Variants in FRYL observed in about 807,000 individuals in gnomAD.
FRYL encodes protein furry homolog-like.
FRYL carries 150 observed loss-of-function variants against 351.2 expected under a neutral mutation model. The observed-to-expected ratio is 0.43, with a 90% CI of 0.37 to 0.49. FRYL has a LOEUF of 0.49. FRYL is among the 20% of genes least tolerant of loss of function. The probability of loss-of-function intolerance (pLI) is 0.00; values close to 1 mark genes in which losing one functional copy is unlikely to be tolerated. For missense variants in FRYL, 3,036 were observed against 3,619.3 expected, an observed-to-expected ratio of 0.84 and a Z score of 4.13; for synonymous variants, 1,153 against 1,257.1, an observed-to-expected ratio of 0.92 and a Z score of 1.75.
intron 1 of FRYL, among the ~76,000 whole-genome samples, chr4:48,765,745 CAA>C (rs1307878927): frequency 6.6e-6 from 1 of 151,828 alleles, no homozygotes; most frequent in East Asian, 1.9e-4. Flanking sequence ...ACCATATATC[CAA>C]AAAGAGGTTA....
chr4:48,679,539 G>A (rs192988412), intron 3 of FRYL, among the ~76,000 whole-genome samples: 1 of 152,130 alleles, frequency 6.6e-6, no homozygotes, highest in Non-Finnish European at 1.5e-5. Context: ...AGGAAGGGCA[G>A]GGGGAAGGTG....
At position 48,528,316 on chromosome 4, in the gene FRYL, T is replaced by C. The variant is rs1180619989; in HGVS notation, c.6924A>G (p.Lys2308=). The change falls in exon 51 of 64, where the codon AAA becomes AAG. Residue 2308 remains lysine (K), a synonymous_variant. Coordinates refer to ENST00000358350, the MANE Select transcript of FRYL (RefSeq NM_015030.2). ...DISETPIIGN[K]YGDQHSAAGR... ...CAGCCGCACTGTGCTGATCACCATA[T>C]TTGTTTCCAATAATTGGTGTCTACA... The C allele has an allele frequency of 6.2e-7, 1 of 1,609,672 alleles. No homozygotes were observed. Among genetic ancestry groups the C allele is most frequent in the East Asian group, 2.2e-5 (1 of 44,748 alleles).
intron 4 of FRYL, 24 bp from the exon 5 acceptor site, chr4:48,623,203 T>C (rs923551499): frequency 8.9e-7 from 1 of 1,128,826 alleles, no homozygotes; most frequent in Admixed American, 2.5e-5. Context: ...AAACAAACAT[T>C]AAAAATAAAA....
chr4:48,710,797 T>C (rs1367006214), intron 1 of FRYL, 99 bp from the exon 2 acceptor site: 3 of 389,490 alleles, frequency 7.7e-6, no homozygotes, highest in Admixed American at 4.4e-5. Flanking sequence ...ATCAAAAGTC[T>C]GCAAGTTCCT....
chr4:48,715,658 T>G (rs866248615), intron 1 of FRYL, among the ~76,000 whole-genome samples: 1 of 151,998 alleles, frequency 6.6e-6, no homozygotes, highest in African/African-American at 2.4e-5. Flanking sequence ...TCCATGCTCA[T>G]GGGTAGGAAG....
At chr4:48,736,033 C>T (rs1373474649) in intron 1 of FRYL, among the ~76,000 whole-genome samples, 2 of 147,782 alleles carry the variant, frequency 1.4e-5, no homozygotes, top group African/African-American at 2.5e-5. Flanking sequence ...AGACCACAAT[C>T]GAATTAAACT....
At chr4:48,703,209 A>G (rs1766955270) in intron 2 of FRYL, among the ~76,000 whole-genome samples, 2 of 152,238 alleles carry the variant, frequency 1.3e-5, no homozygotes, top group African/African-American at 2.4e-5. Context: ...TCTGAAGCAG[A>G]CTAGATGGGG....
intron 28 of FRYL, 62 bp from the exon 29 acceptor site, chr4:48,565,753 C>A: frequency 6.7e-7 from 1 of 1,484,420 alleles, no homozygotes; most frequent in Non-Finnish European, 9.2e-7. Flanking sequence ...ACTTTTATAC[C>A]AACATGTTAT....
At position 48,754,669 on chromosome 4, in the gene FRYL, T is replaced by TG. The variant is rs1272959265; in HGVS notation, c.-384+25408_-384+25409insC. Among the ~76,000 whole-genome samples the TG allele has an allele frequency of 8.6e-3, 7 of 816 alleles. No homozygotes were observed. In the Admixed American group the frequency reaches 0.1, roughly 12 times the overall value. The allele number at this position is 816 out of a possible 152,430, so 0.5% of individuals were successfully genotyped here. A position where few individuals can be genotyped will look rare whatever the true frequency, so the allele number is the denominator to read the frequency against. ...GTGATTTTCTGGGGTTTTTTTGGGG[T>TG]TTTTTTTTTTTTTTTTAAATGAGAG... On this transcript the variant is annotated intron_variant, in intron 1 of 63. Coordinates refer to ENST00000358350, the MANE Select transcript of FRYL (RefSeq NM_015030.2).
intron 3 of FRYL, chr4:48,681,140 A>G (rs1288567153): frequency 1.7e-6 from 2 of 1,196,638 alleles, no homozygotes; most frequent in East Asian, 6.5e-5. Context: ...AGGTTCTTCT[A>G]CATTACTAGG....
intron 11 of FRYL, among the ~76,000 whole-genome samples, chr4:48,604,212 G>C (rs921841075): frequency 7.2e-5 from 11 of 152,176 alleles, no homozygotes; most frequent in African/African-American, 2.7e-4. Flanking sequence ...CAAACAGAAA[G>C]CACTCAATAA....
intron 53 of FRYL, among the ~76,000 whole-genome samples, chr4:48,526,096 T>C (rs1726155020): frequency 1.3e-5 from 2 of 152,084 alleles, no homozygotes; most frequent in Non-Finnish European, 1.5e-5. Flanking sequence ...GAGTTGTATA[T>C]GTGTATGTAT....
At chr4:48,724,024 A>T (rs890540078) in intron 1 of FRYL, among the ~76,000 whole-genome samples, 3 of 151,542 alleles carry the variant, frequency 2.0e-5, no homozygotes, top group African/African-American at 4.8e-5. Flanking sequence ...GCTACTTGGG[A>T]GGTTGAGACA....
intron 3 of FRYL, chr4:48,680,988 C>T: frequency 3.9e-6 from 5 of 1,277,780 alleles, no homozygotes; most frequent in Non-Finnish European, 5.1e-6. Context: ...TTCCACCTTG[C>T]TCATCCACCG....
At chr4:48,697,556 T>G (rs1766316159) in intron 2 of FRYL, among the ~76,000 whole-genome samples, 1 of 152,212 alleles carries the variant, frequency 6.6e-6, no homozygotes, top group African/African-American at 2.4e-5. Flanking sequence ...CTCAGCTTAC[T>G]GCAACCTCTG....
At chr4:48,708,785 G>A (rs953120563) in intron 2 of FRYL, among the ~76,000 whole-genome samples, 11 of 151,976 alleles carry the variant, frequency 7.2e-5, no homozygotes, top group African/African-American at 2.7e-4. Context: ...GTAGAGATGG[G>A]GTCTTGCTGT....
rs1315336033 is a variant in FRYL, at chr4:48,603,471, G to C, written c.835-83C>G. Reference sequence around the variant, plus strand: ...AAAGAATACAAGAACTTTCTGTAAGGTTTGAAATTGGTTAATAATTCACTG... The same window carrying C: ...AAAGAATACAAGAACTTTCTGTAAGCTTTGAAATTGGTTAATAATTCACTG... On this transcript the variant is annotated intron_variant, in intron 11 of 63. Coordinates refer to ENST00000358350, the MANE Select transcript of FRYL (RefSeq NM_015030.2). The C allele has an allele frequency of 4.4e-6, 4 of 906,832 alleles. No homozygotes were observed. In the African/African-American group the frequency reaches 6.7e-5, roughly 15 times the overall value. The allele number at this position is 906,832 out of a possible 1,614,324, so 56.2% of individuals were successfully genotyped here.
At chr4:48,778,332 A>AC (rs1776241014) in intron 1 of FRYL, among the ~76,000 whole-genome samples, 1 of 117,646 alleles carries the variant, frequency 8.5e-6, no homozygotes, top group Non-Finnish European at 1.9e-5. Flanking sequence ...GACTGCTTTA[A>AC]TAAAAAAAAA....
At chr4:48,615,073 G>A (rs562754948) in intron 7 of FRYL, among the ~76,000 whole-genome samples, 7 of 152,170 alleles carry the variant, frequency 4.6e-5, no homozygotes, top group Admixed American at 1.3e-4. Flanking sequence ...TGATCCACCC[G>A]TCTCGGCCTC....
Sources: allele counts gnomAD v4.1 joint callset (sites outside exome capture counted in the v4.1 genomes callset), GRCh38; gene constraint gnomAD v4.1.1; transcripts MANE v1.5; gene names NCBI Gene and HGNC (gene_info 2026-07-23, HGNC 2026-07-21).